Variants in SCHIP1 observed in about 807,000 individuals in gnomAD.
SCHIP1 encodes the protein schwannomin-interacting protein 1.
Under a neutral mutation model 29.7 loss-of-function variants are expected in SCHIP1, and 8 were observed. That is an observed-to-expected ratio of 0.27 (90% CI 0.16 to 0.49). The LOEUF (loss-of-function observed/expected upper bound fraction) is 0.49, where lower values mean the gene tolerates loss of function less well. Among genes scored for constraint, SCHIP1 ranks in the 20% least tolerant of loss-of-function variants. The pLI, the probability that SCHIP1 is intolerant of heterozygous loss-of-function variation, is 0.99. For missense variants in SCHIP1, 193 were observed against 294.6 expected (o/e 0.66, Z 2.52); for synonymous variants, 76 against 94.9 (o/e 0.80, Z 1.16).
chr3:159,523,565 A>G, the SCHIP1 span, among the ~76,000 whole-genome samples: 1 of 152,176 alleles, frequency 6.6e-6, no homozygotes, highest in African/African-American at 2.4e-5. Flanking sequence ...ATGTGTATAT[A>G]AGTGTGTGCG....
At chr3:159,371,323 C>T in the SCHIP1 span, among the ~76,000 whole-genome samples, 40 of 152,254 alleles carry the variant, frequency 2.6e-4, no homozygotes, top group African/African-American at 8.7e-4. Flanking sequence ...CCAGCCCTTA[C>T]CTAAACAACC....
At chr3:159,832,444 C>A in the SCHIP1 span, among the ~76,000 whole-genome samples, 2 of 152,144 alleles carry the variant, frequency 1.3e-5, no homozygotes, top group South Asian at 4.2e-4. Context: ...TCTTAAACAT[C>A]AGCTACATTG....
the SCHIP1 span, among the ~76,000 whole-genome samples, chr3:159,410,397 C>A: frequency 0.26 from 39,508 of 151,868 alleles, 5,358 homozygotes; most frequent in Middle Eastern, 0.34. Flanking sequence ...GGATTAATAA[C>A]CATAATATAT....
chr3:159,497,775 G>C, the SCHIP1 span, among the ~76,000 whole-genome samples: 3 of 152,146 alleles, frequency 2.0e-5, no homozygotes, highest in African/African-American at 7.2e-5. Flanking sequence ...ATTGAGTACT[G>C]CAGAAATTAG....
At chr3:159,345,493 G>A in the SCHIP1 span, among the ~76,000 whole-genome samples, 3 of 151,888 alleles carry the variant, frequency 2.0e-5, no homozygotes, top group Admixed American at 6.6e-5. Flanking sequence ...GAGCCAGGAA[G>A]GTTCAAATGT....
the SCHIP1 span, among the ~76,000 whole-genome samples, chr3:159,519,431 A>T: frequency 6.6e-6 from 1 of 152,090 alleles, no homozygotes; most frequent in Non-Finnish European, 1.5e-5. Context: ...ATTATATACT[A>T]GTACTTGATT....
the SCHIP1 span, among the ~76,000 whole-genome samples, chr3:159,776,753 C>G: frequency 6.6e-6 from 1 of 152,304 alleles, no homozygotes; most frequent in South Asian, 2.1e-4. Flanking sequence ...TCTGTACTAA[C>G]ACGTGACTAA....
At chr3:159,496,414 A>C in the SCHIP1 span, among the ~76,000 whole-genome samples, 1 of 152,220 alleles carries the variant, frequency 6.6e-6, no homozygotes, top group East Asian at 1.9e-4. Context: ...ACAAGAAAAA[A>C]ACAAACAACC....
the SCHIP1 span, among the ~76,000 whole-genome samples, chr3:159,551,485 T>C: frequency 6.6e-6 from 1 of 152,140 alleles, no homozygotes; most frequent in Admixed American, 6.5e-5. Context: ...GATTGGGAGA[T>C]TGTGATTATA....
the SCHIP1 span, among the ~76,000 whole-genome samples, chr3:159,615,185 A>T: frequency 6.6e-6 from 1 of 152,212 alleles, no homozygotes; most frequent in African/African-American, 2.4e-5. Context: ...ACCCAAAACC[A>T]CAGGTCCCGT....
the SCHIP1 span, among the ~76,000 whole-genome samples, chr3:159,328,527 T>A: frequency 6.9e-6 from 1 of 143,924 alleles, no homozygotes; most frequent in Admixed American, 7.1e-5. Flanking sequence ...GATCAGAGTC[T>A]TAAAAGATAT....
At chr3:159,452,137 CT>C in the SCHIP1 span, among the ~76,000 whole-genome samples, 25,094 of 141,900 alleles carry the variant, frequency 0.18, 2,195 homozygotes, top group South Asian at 0.33. Flanking sequence ...AACATTTCTT[CT>C]TTTTTTTTTT....
chr3:159,428,280 T>G, the SCHIP1 span, among the ~76,000 whole-genome samples: 1 of 151,842 alleles, frequency 6.6e-6, no homozygotes, highest in Non-Finnish European at 1.5e-5. Context: ...GGGAGAAAAT[T>G]TTCTCAACCT....
the SCHIP1 span, among the ~76,000 whole-genome samples, chr3:159,341,151 C>A: frequency 6.6e-6 from 1 of 151,598 alleles, no homozygotes; most frequent in Non-Finnish European, 1.5e-5. Context: ...GCTATCTCAC[C>A]CTCCCCTTGC....
chr3:159,397,179 T>C, the SCHIP1 span, among the ~76,000 whole-genome samples: 2 of 151,816 alleles, frequency 1.3e-5, no homozygotes, highest in Non-Finnish European at 2.9e-5. Context: ...CATCAGCTCC[T>C]TTAAGCACTT....
At chr3:159,538,760 A>G in the SCHIP1 span, among the ~76,000 whole-genome samples, 1 of 152,180 alleles carries the variant, frequency 6.6e-6, no homozygotes, top group Non-Finnish European at 1.5e-5. Context: ...ATAACTGCCC[A>G]CAGTTTCATT....
At chr3:159,760,821 T>C in the SCHIP1 span, among the ~76,000 whole-genome samples, 1 of 152,248 alleles carries the variant, frequency 6.6e-6, no homozygotes, top group Admixed American at 6.5e-5. Context: ...AAACTTTCTT[T>C]CCCTTGCATA....
chr3:159,696,008 A>C, the SCHIP1 span, among the ~76,000 whole-genome samples: 3 of 152,086 alleles, frequency 2.0e-5, no homozygotes, highest in Middle Eastern at 3.2e-3. Context: ...AGTCAAACCT[A>C]TCAACACCCA....
intron 1 of SCHIP1, among the ~76,000 whole-genome samples, chr3:159,857,080 G>C (rs1713470095): frequency 6.6e-6 from 1 of 152,170 alleles, no homozygotes; most frequent in Admixed American, 6.5e-5. Context: ...TGTGGGCCAG[G>C]TTCTCCTTTT....
Sources: gnomAD v4.1 joint callset for allele counts (sites outside exome capture counted in the v4.1 genomes callset) on GRCh38, gnomAD v4.1.1 for gene constraint, MANE v1.5 for transcripts, NCBI Gene and HGNC (gene_info 2026-07-23, HGNC 2026-07-21) for gene names.